SLC4A7: variants seen among roughly 807,000 people sequenced by gnomAD.
The protein encoded by SLC4A7 is sodium bicarbonate cotransporter 3.
SLC4A7 carries 51 observed loss-of-function variants against 137.6 expected under a neutral mutation model. The observed-to-expected ratio is 0.37, with a 90% CI of 0.30 to 0.47. The LOEUF is 0.47. Among genes scored for constraint, SLC4A7 ranks in the 20% least tolerant of loss-of-function variants. The probability of loss-of-function intolerance (pLI) is 1.00; values close to 1 mark genes in which losing one functional copy is unlikely to be tolerated. For synonymous variants in SLC4A7, 542 were observed against 518.6 expected (o/e 1.05, Z -0.61); for missense variants, 1,247 against 1,525.4 (o/e 0.82, Z 3.04).
chr3:27,419,895 G>A (rs1322816664), intron 10 of SLC4A7, among the ~76,000 whole-genome samples: 1 of 151,686 alleles, frequency 6.6e-6, no homozygotes, highest in Non-Finnish European at 1.5e-5. Flanking sequence ...GTTGAAAGAG[G>A]ACAGAAAAAT....
intron 16 of SLC4A7, 84 bp from the exon 17 acceptor site, chr3:27,398,437 T>C: frequency 8.4e-7 from 1 of 1,185,056 alleles, no homozygotes; most frequent in East Asian, 2.4e-5. Flanking sequence ...ACTCGTAAGA[T>C]GCAACTGATT....
At chr3:27,418,655 A>G in intron 10 of SLC4A7, 23 bp from the exon 11 acceptor site, 1 of 1,481,722 alleles carries the variant, frequency 6.7e-7, no homozygotes, top group Non-Finnish European at 9.3e-7. Flanking sequence ...AATATTGAGT[A>G]AAAGATTTTA....
intron 18 of SLC4A7, among the ~76,000 whole-genome samples, chr3:27,396,035 A>C (rs1377623054): frequency 6.6e-6 from 1 of 152,200 alleles, no homozygotes; most frequent in Non-Finnish European, 1.5e-5. Context: ...TTTTTTAAAG[A>C]TCAAGAGAGT....
At chr3:27,458,179 A>C (rs540277126) in intron 1 of SLC4A7, among the ~76,000 whole-genome samples, 2 of 152,320 alleles carry the variant, frequency 1.3e-5, no homozygotes, top group African/African-American at 4.8e-5. Flanking sequence ...AAATTTAATA[A>C]GATAACTAGT....
intron 1 of SLC4A7, chr3:27,456,579 T>G (rs1268642064): frequency 1.9e-6 from 2 of 1,064,258 alleles, no homozygotes; most frequent in Non-Finnish European, 1.5e-6. Context: ...TGACATTTCT[T>G]CAAGCTTCAC....
At position 27,374,828 on chromosome 3, in the gene SLC4A7, A is replaced by G. The variant is rs1384923073; in HGVS notation, c.*1936T>C. On this transcript the variant is annotated 3_prime_UTR_variant, in exon 26 of 26. Transcript: ENST00000454389. Reference sequence around the variant, plus strand: ...TGTGAGGAAATCCTCTTGTTCAGGTACATCAGGGGAGTTTTAAAAATAGCA... The same window carrying G: ...TGTGAGGAAATCCTCTTGTTCAGGTGCATCAGGGGAGTTTTAAAAATAGCA... 1 of 152,516 alleles carries G rather than the reference A, an allele frequency of 6.6e-6. No individual in the cohort carries two copies. The highest frequency in any genetic ancestry group is 2.4e-5 in the African/African-American group (1 of 41,458). 9.4% of individuals were successfully genotyped at this position (152,516 alleles called of 1,614,324 possible).
In SLC4A7 at chr3:27,409,463, C is replaced by T; in HGVS notation, c.1834G>A (p.Ala612Thr). ...APFFLSDFKDALSLQCLASIL... is the reference protein window; with the variant it reads ...APFFLSDFKDTLSLQCLASIL... ...GAGGCCAGGCACTGCAGGCTTAATG[C>T]ATCCTTGAAGTCACTCAAGAAAAAA... The change falls in exon 13 of 26, where the codon GCA becomes ACA. Residue 612 changes from alanine (A) to threonine (T), a missense_variant. Coordinates refer to ENST00000454389, the MANE Select transcript of SLC4A7 (RefSeq NM_001321103.2). 1 of 1,613,706 alleles carries T rather than the reference C, an allele frequency of 6.2e-7. No individual in the cohort carries two copies. The highest frequency in any genetic ancestry group is 8.5e-7 in the Non-Finnish European group (1 of 1,179,684).
chr3:27,395,052 A>G lies in SLC4A7; in HGVS notation c.2767T>C (p.Leu923=), dbSNP rs1280885901. The stretch of plus-strand genomic sequence containing the variant: ...AGCAAAGCAGGAATAGCAGCTATTA[A>G]TAAGGTCCACCAAGGATTATCTCCC... ...PLGDNPWWTL[L]IAAIPALLCT... Residue 923 remains leucine, a synonymous_variant, in exon 19 of 26, where the codon TTA becomes CTA. Coordinates refer to ENST00000454389, the MANE Select transcript of SLC4A7 (RefSeq NM_001321103.2). 5 of 1,612,934 alleles carry G rather than the reference A, an allele frequency of 3.1e-6. No individual in the cohort carries two copies. The South Asian group carries it at 3.3e-5, about 11-fold the overall frequency.
At chr3:27,416,743 C>A (rs1211643616) in intron 11 of SLC4A7, among the ~76,000 whole-genome samples, 1 of 151,916 alleles carries the variant, frequency 6.6e-6, no homozygotes, top group Non-Finnish European at 1.5e-5. Flanking sequence ...AACAAAGATA[C>A]AATACTCATG....
At chr3:27,479,929 A>T (rs532150843) in intron 1 of SLC4A7, among the ~76,000 whole-genome samples, 1 of 152,348 alleles carries the variant, frequency 6.6e-6, no homozygotes, top group Non-Finnish European at 1.5e-5. Flanking sequence ...CTTTAAGATC[A>T]TATTTGTGGT....
At chr3:27,441,904 T>C (rs1469192635) in intron 3 of SLC4A7, among the ~76,000 whole-genome samples, 1 of 151,840 alleles carries the variant, frequency 6.6e-6, no homozygotes, top group African/African-American at 2.4e-5. Context: ...GTTTGACTTT[T>C]TTTTTTTTTG....
chr3:27,379,120 C>T (rs1279777133), intron 25 of SLC4A7, 129 bp downstream of exon 25: 22 of 576,812 alleles, frequency 3.8e-5, no homozygotes, highest in Non-Finnish European at 6.1e-5. Flanking sequence ...AAGACAAAAA[C>T]ATAATTATTA....
In SLC4A7 at chr3:27,374,922, C is replaced by T. The variant is rs967056079; in HGVS notation, c.*1842G>A. Reference sequence around the variant, plus strand: ...AAAAGGAATCATTACAATGGAAGCTCATAAACAATAATAAGCACCGTGGGT... The same window carrying T: ...AAAAGGAATCATTACAATGGAAGCTTATAAACAATAATAAGCACCGTGGGT... On this transcript the variant is annotated 3_prime_UTR_variant, in exon 26 of 26. Coordinates refer to ENST00000454389, the MANE Select transcript of SLC4A7 (RefSeq NM_001321103.2). 5 of 152,418 alleles carry T rather than the reference C, an allele frequency of 3.3e-5. No homozygotes were observed. Among genetic ancestry groups the T allele is most frequent in the Non-Finnish European group, 5.9e-5 (4 of 67,870 alleles). The allele number at this position is 152,418 out of a possible 1,614,324, so 9.4% of individuals were successfully genotyped here.
At chr3:27,383,376 GAAA>G in intron 23 of SLC4A7, 126 bp from the exon 24 acceptor site, 1 of 685,366 alleles carries the variant, frequency 1.5e-6, no homozygotes, top group South Asian at 1.7e-5. Flanking sequence ...TGCCATTACT[GAAA>G]AATTTTATAA....
chr3:27,379,260 T>C lies in SLC4A7; in HGVS notation c.3687A>G (p.Arg1229=). 1 of 1,527,584 alleles carries C rather than the reference T, an allele frequency of 6.5e-7. No individual in the cohort carries two copies. The allele number at this position is 1,527,584 out of a possible 1,614,324, so 94.6% of individuals were successfully genotyped here. The part of the protein sequence containing the change: ...SMNTENAKVT[R]SNMSPDKPVS... ...ATAGTTATAACTACCTCATGTTAGA[T>C]CTGGTTACTTTGGCATTCTCAGTAT... The change falls in exon 25 of 26, where the codon AGA becomes AGG. Residue 1229 remains arginine (R), a synonymous_variant. Coordinates refer to ENST00000454389, the MANE Select transcript of SLC4A7 (RefSeq NM_001321103.2).
In SLC4A7 at chr3:27,403,211, T is replaced by C; in HGVS notation, c.2249A>G (p.Glu750Gly). 1 of 1,613,970 alleles carries C rather than the reference T, an allele frequency of 6.2e-7. No homozygotes were observed. The highest frequency in any genetic ancestry group is 8.5e-7 in the Non-Finnish European group (1 of 1,179,942). Residue 750 changes from glutamate to glycine, a missense_variant, in exon 15 of 26, where the codon GAG becomes GGG. This residue lies in a region of SLC4A7 where 499 missense variants were observed against 664.2 expected (regional missense o/e 0.75). Transcript: ENST00000454389. ...TGTTTCTCCTAAATCAAAGAGCTTC[T>C]CCAAAGCCTCGTAGATGAATATGAT... ...ICIIFIYEAL[E>G]KLFDLGETYA...
rs1227416748 is a variant in SLC4A7, at chr3:27,375,454, T to A, written c.*1310A>T. On this transcript the variant is annotated 3_prime_UTR_variant, in exon 26 of 26. Coordinates refer to ENST00000454389, the MANE Select transcript of SLC4A7 (RefSeq NM_001321103.2). Reference sequence around the variant, plus strand: ...TATATAAAAGATGACTAAAAAGATTTGTTAGACTTTAAAAAGCTCAGAAAA... The same window carrying A: ...TATATAAAAGATGACTAAAAAGATTAGTTAGACTTTAAAAAGCTCAGAAAA... 1 of 152,448 alleles carries A rather than the reference T, an allele frequency of 6.6e-6. No homozygotes were observed. The highest frequency in any genetic ancestry group is 2.4e-5 in the African/African-American group (1 of 41,440). The allele number at this position is 152,448 out of a possible 1,614,324, so 9.4% of individuals were successfully genotyped here.
chr3:27,460,558 T>C (rs2058644045), intron 1 of SLC4A7, among the ~76,000 whole-genome samples: 1 of 152,218 alleles, frequency 6.6e-6, no homozygotes, highest in Non-Finnish European at 1.5e-5. Flanking sequence ...AAGAGACTAT[T>C]TCAAACGCTA....
At chr3:27,411,600 A>G (rs763881730) in intron 12 of SLC4A7, 42 bp downstream of exon 12, 2 of 1,005,746 alleles carry the variant, frequency 2.0e-6, no homozygotes, top group Admixed American at 2.8e-5. Flanking sequence ...TTTTCATCAA[A>G]TCATCCCCCA....
Sources: allele counts gnomAD v4.1 joint callset (sites outside exome capture counted in the v4.1 genomes callset), GRCh38; gene constraint gnomAD v4.1.1; regional missense constraint gnomAD v4.1.1; transcripts MANE v1.5; gene names NCBI Gene and HGNC (gene_info 2026-07-23, HGNC 2026-07-21).